Variants in SIPA1L3 observed in about 807,000 individuals in gnomAD.
SIPA1L3 encodes the protein signal induced proliferation associated 1 like 3, also known as signal-induced proliferation-associated 1-like protein 3.
In SIPA1L3, 59 loss-of-function variants were observed where a neutral mutation model predicts 150.1. The ratio of observed to expected loss-of-function variants is 0.39; its 90% CI spans 0.32 to 0.49. SIPA1L3 has a LOEUF of 0.49. SIPA1L3 is among the 20% of genes least tolerant of loss of function. The probability of loss-of-function intolerance (pLI) is 0.86; values close to 1 mark genes in which losing one functional copy is unlikely to be tolerated. For synonymous variants in SIPA1L3, 1,070 were observed against 1,077.6 expected (o/e 0.99, Z 0.14); for missense variants, 2,211 against 2,489.5 (o/e 0.89, Z 2.38).
intron 2 of SIPA1L3, among the ~76,000 whole-genome samples, chr19:38,059,230 G>A (rs1486588384): frequency 6.6e-6 from 1 of 151,350 alleles, no homozygotes; most frequent in African/African-American, 2.4e-5. Context: ...AAACTCCTGG[G>A]CTCAAGCTAT....
At chr19:37,978,786 A>C (rs1415956071) in intron 1 of SIPA1L3, among the ~76,000 whole-genome samples, 1 of 151,810 alleles carries the variant, frequency 6.6e-6, no homozygotes, top group Non-Finnish European at 1.5e-5. Flanking sequence ...ACTAGCCTGG[A>C]CAACATAGTG....
At chr19:38,050,885 C>T (rs1220522888) in intron 2 of SIPA1L3, among the ~76,000 whole-genome samples, 1 of 152,008 alleles carries the variant, frequency 6.6e-6, no homozygotes, top group Non-Finnish European at 1.5e-5. Flanking sequence ...ATGGCGAAAC[C>T]CCATCTCTAC....
At chr19:37,934,583 A>T (rs1463117399) in intron 1 of SIPA1L3, among the ~76,000 whole-genome samples, 1 of 152,200 alleles carries the variant, frequency 6.6e-6, no homozygotes, top group African/African-American at 2.4e-5. Context: ...ATAGCAAATT[A>T]GATTTAAGAA....
intron 3 of SIPA1L3, among the ~76,000 whole-genome samples, chr19:38,083,660 T>A (rs1441600174): frequency 6.6e-6 from 1 of 152,078 alleles, no homozygotes; most frequent in Non-Finnish European, 1.5e-5. Context: ...ATGTGCAAAT[T>A]GCAGACACTG....
intron 1 of SIPA1L3, among the ~76,000 whole-genome samples, chr19:37,965,380 A>G (rs1488763942): frequency 1.3e-5 from 2 of 150,640 alleles, no homozygotes; most frequent in Non-Finnish European, 2.9e-5. Context: ...CAGTGGCACA[A>G]TCTTGGCTCA....
chr19:38,146,997 C>T (rs1457162048), intron 12 of SIPA1L3, among the ~76,000 whole-genome samples: 1 of 152,036 alleles, frequency 6.6e-6, no homozygotes, highest in African/African-American at 2.4e-5. Context: ...TCCTCCCAGC[C>T]TTTAGTTTGT....
intron 16 of SIPA1L3, among the ~76,000 whole-genome samples, chr19:38,188,110 A>G (rs1321289651): frequency 1.3e-5 from 2 of 152,034 alleles, no homozygotes; most frequent in African/African-American, 4.8e-5. Context: ...TGTCTTTGTT[A>G]TCGTGAGAGG....
chr19:38,190,568 C>T (rs975916121), intron 16 of SIPA1L3, among the ~76,000 whole-genome samples: 4 of 152,178 alleles, frequency 2.6e-5, no homozygotes, highest in African/African-American at 9.7e-5. Flanking sequence ...AAAGGAAATC[C>T]AGTCTTTAAA....
chr19:38,171,573 A>G (rs910207973), intron 15 of SIPA1L3, among the ~76,000 whole-genome samples: 4 of 151,650 alleles, frequency 2.6e-5, no homozygotes, highest in African/African-American at 7.3e-5. Context: ...TTGTATTTAT[A>G]GTAGAGACAG....
At position 38,176,663 on chromosome 19, in the gene SIPA1L3, A is replaced by C. The variant is rs530597164; in HGVS notation, c.4209-5856A>C. ...GAGATTTTTCTCTAAACCTTTACCAACCCAGTTCTTTCAAACATACCACTT... is the reference window on the plus strand; with the variant it reads ...GAGATTTTTCTCTAAACCTTTACCACCCCAGTTCTTTCAAACATACCACTT... On this transcript the variant is annotated intron_variant, in intron 15 of 21. Transcript: ENST00000222345. Among the ~76,000 whole-genome samples the C allele has an allele frequency of 4.6e-5, 7 of 152,054 alleles. No individual in the cohort carries two copies. In the East Asian group the frequency reaches 1.2e-3, roughly 25 times the overall value.
At chr19:38,006,407 C>G (rs1407048206) in intron 1 of SIPA1L3, among the ~76,000 whole-genome samples, 1 of 151,868 alleles carries the variant, frequency 6.6e-6, no homozygotes, top group African/African-American at 2.4e-5. Context: ...GGGAGTGGGG[C>G]ACGTTAAGAG....
chr19:37,916,866 A>C (rs1197794045), intron 1 of SIPA1L3, among the ~76,000 whole-genome samples: 1 of 152,042 alleles, frequency 6.6e-6, no homozygotes, highest in African/African-American at 2.4e-5. Context: ...AGACGGAGGC[A>C]GAGAATCACT....
chr19:38,181,536 C>G (rs112069344), intron 15 of SIPA1L3, among the ~76,000 whole-genome samples: 16 of 151,822 alleles, frequency 1.1e-4, no homozygotes, highest in African/African-American at 3.6e-4. Flanking sequence ...TATACACATG[C>G]GTATGTTTTT....
At position 38,164,574 on chromosome 19, in the gene SIPA1L3, C is replaced by G; in HGVS notation, c.3876C>G (p.Asp1292Glu). 1.2e-6 allele frequency: 2 copies of G among 1,614,072 alleles called. No individual in the cohort carries two copies. Among genetic ancestry groups the G allele is most frequent in the Non-Finnish European group, 1.7e-6 (2 of 1,179,972 alleles). The change falls in exon 15 of 22, where the codon GAC (aspartate) becomes GAG (glutamate). Residue 1292 changes from aspartate (D) to glutamate (E), a missense_variant. Asp to Glu is a conservative substitution (Grantham distance 45, BLOSUM62 2). Coordinates refer to ENST00000222345, the MANE Select transcript of SIPA1L3 (RefSeq NM_015073.3). This position sits in a 1 kb window ranked among gnomAD's most constrained non-coding sequence, Gnocchi z 4.1. ...HSDDRWFDPLDPLEPEQDPLS... is the reference protein window; with the variant it reads ...HSDDRWFDPLEPLEPEQDPLS... ...ACGACCGCTGGTTCGACCCCCTGGA[C>G]CCCCTGGAGCCAGAGCAAGACCCCC...
chr19:38,101,374 C>A (rs1316881956), intron 6 of SIPA1L3, 148 bp downstream of exon 6: 3 of 541,256 alleles, frequency 5.5e-6, no homozygotes, highest in East Asian at 6.5e-5. Flanking sequence ...ATAAGTGCAG[C>A]CACTTTATTT....
At position 38,101,186 on chromosome 19, in the gene SIPA1L3, G is replaced by T. The variant is rs1292856694; in HGVS notation, c.1989G>T (p.Leu663=). 6.9e-6 allele frequency: 11 copies of T among 1,602,650 alleles called. No individual in the cohort carries two copies. The highest frequency in any genetic ancestry group is 8.5e-6 in the Non-Finnish European group (10 of 1,175,258). The change falls in exon 6 of 22, where the codon CTG becomes CTT. Residue 663 remains leucine (L), a synonymous_variant. Transcript: ENST00000222345. Reference sequence around the variant, plus strand: ...CCCTCATCGGCGAGAAGGTCTGCCTGAAGGGCTTCACCAAGTACGCTGCCC... The same window carrying T: ...CCCTCATCGGCGAGAAGGTCTGCCTTAAGGGCTTCACCAAGTACGCTGCCC... ...FLSLIGEKVC[L]KGFTKYAAQL...
chr19:38,079,320 G>A (rs1049241446), intron 2 of SIPA1L3, among the ~76,000 whole-genome samples: 1 of 152,192 alleles, frequency 6.6e-6, no homozygotes, highest in Non-Finnish European at 1.5e-5. Context: ...GCAACAGAGC[G>A]AGACTCCGTC....
intron 2 of SIPA1L3, among the ~76,000 whole-genome samples, chr19:38,074,914 T>C (rs1969805611): frequency 1.3e-5 from 2 of 152,244 alleles, no homozygotes; most frequent in African/African-American, 4.8e-5. Context: ...TAAAATTTTT[T>C]GTAGAGATGG....
chr19:37,943,575 C>CT (rs2046681717), intron 1 of SIPA1L3, among the ~76,000 whole-genome samples: 1 of 152,196 alleles, frequency 6.6e-6, no homozygotes, highest in African/African-American at 2.4e-5. Context: ...TTGCTGACCA[C>CT]TTTACACGAG....
Sources: gnomAD v4.1 joint callset for allele counts (sites outside exome capture counted in the v4.1 genomes callset) on GRCh38, gnomAD v4.1.1 for gene constraint, Gnocchi (gnomAD v3.1) non-coding constraint, MANE v1.5 for transcripts, NCBI Gene and HGNC (gene_info 2026-07-23, HGNC 2026-07-21) for gene names.